The following FAM185A variants were observed in gnomAD, a reference collection of about 807,000 sequenced individuals.
The protein encoded by FAM185A is family with sequence similarity 185 member A, also known as protein FAM185A.
A neutral mutation model predicts 45.7 loss-of-function variants in FAM185A; 21 were observed. That is an observed-to-expected ratio of 0.46 (90% CI 0.33 to 0.66). The LOEUF (loss-of-function observed/expected upper bound fraction) is 0.66, where lower values mean the gene tolerates loss of function less well. Ranked by LOEUF, FAM185A falls within the 30% of genes least tolerant of loss-of-function variation. FAM185A has a pLI of 0.03. For missense variants in FAM185A, 305 were observed against 485.4 expected (o/e 0.63, Z 3.49); for synonymous variants, 117 against 194.0 (o/e 0.60, Z 3.30).
At chr7:102,826,947 G>T in the FAM185A span, 1 of 288,496 alleles carries the variant, frequency 3.5e-6, no homozygotes, top group Non-Finnish European at 7.7e-6. Context: ...GAGCTCTATC[G>T]TATTATTTTC....
chr7:102,780,943 A>C (rs922208312), intron 6 of FAM185A, among the ~76,000 whole-genome samples: 3 of 152,160 alleles, frequency 2.0e-5, no homozygotes, highest in Admixed American at 6.5e-5. Flanking sequence ...AGCACCTGGA[A>C]AATCGGGTCA....
At chr7:102,786,202 G>A (rs189563451) in intron 6 of FAM185A, among the ~76,000 whole-genome samples, 1 of 152,326 alleles carries the variant, frequency 6.6e-6, no homozygotes, top group African/African-American at 2.4e-5. Flanking sequence ...AGAGGATGTG[G>A]AGAAATAGGA....
chr7:102,849,327 T>A, the FAM185A span, among the ~76,000 whole-genome samples: 1 of 152,190 alleles, frequency 6.6e-6, no homozygotes, highest in African/African-American at 2.4e-5. Flanking sequence ...AGCCAGATCC[T>A]AAAAGTCAAT....
chr7:102,809,407 A>T (rs1017380516), downstream of FAM185A, among the ~76,000 whole-genome samples: 2 of 152,182 alleles, frequency 1.3e-5, no homozygotes, highest in African/African-American at 2.4e-5. Context: ...TAAATTATAT[A>T]ATACTGGCCA....
At chr7:102,773,625 T>C (rs1421346296) in intron 5 of FAM185A, among the ~76,000 whole-genome samples, 18 of 152,146 alleles carry the variant, frequency 1.2e-4, no homozygotes, top group Admixed American at 1.1e-3. Context: ...AACTTTATGA[T>C]AAACTACCAG....
At chr7:102,832,858 G>A in the FAM185A span, 2 of 1,614,212 alleles carry the variant, frequency 1.2e-6, no homozygotes, top group Non-Finnish European at 1.7e-6. Context: ...AGCCAGCAAT[G>A]CTGAGAGATG....
chr7:102,799,795 T>G (rs1358939740), intron 7 of FAM185A, among the ~76,000 whole-genome samples: 2 of 152,140 alleles, frequency 1.3e-5, no homozygotes, highest in East Asian at 3.8e-4. Context: ...ACACTTGAAC[T>G]CTCAGATGGC....
the FAM185A span, among the ~76,000 whole-genome samples, chr7:102,826,769 A>ATATATATATATATATATATG: frequency 1.7e-4 from 17 of 100,742 alleles, no homozygotes; most frequent in Non-Finnish European, 2.2e-4. Context: ...ATATATATAT[A>ATATATATATATATATATATG]TATGTATATA....
At chr7:102,776,817 G>C (rs1392357109) in intron 5 of FAM185A, among the ~76,000 whole-genome samples, 1 of 151,136 alleles carries the variant, frequency 6.6e-6, no homozygotes, top group African/African-American at 2.4e-5. Context: ...AATTATGAGA[G>C]GTTTTGATTT....
the FAM185A span, among the ~76,000 whole-genome samples, chr7:102,845,446 A>G: frequency 2.0e-5 from 3 of 152,228 alleles, no homozygotes; most frequent in Admixed American, 1.3e-4. Context: ...TATAAATCAC[A>G]TACTCACAAG....
intron 7 of FAM185A, among the ~76,000 whole-genome samples, chr7:102,793,368 T>C (rs1168954165): frequency 1.3e-5 from 2 of 152,080 alleles, no homozygotes; most frequent in Non-Finnish European, 2.9e-5. Flanking sequence ...CCCGCCACCA[T>C]GCCCGGCTAA....
At chr7:102,756,358 T>TA (rs530624100) in intron 2 of FAM185A, among the ~76,000 whole-genome samples, 26 of 151,550 alleles carry the variant, frequency 1.7e-4, no homozygotes, top group Non-Finnish European at 2.8e-4. Flanking sequence ...TAAACTACTC[T>TA]AAAAAAAAAT....
intron 7 of FAM185A, among the ~76,000 whole-genome samples, chr7:102,794,035 C>CAA (rs765672577): frequency 0.01 from 624 of 60,064 alleles, 12 homozygotes; most frequent in African/African-American, 0.028. Context: ...GACTCTGTCT[C>CAA]AAAAAAAAAA....
intron 4 of FAM185A, among the ~76,000 whole-genome samples, chr7:102,771,182 G>GTTAC (rs1351727976): frequency 6.6e-6 from 1 of 151,946 alleles, no homozygotes; most frequent in African/African-American, 2.4e-5. Flanking sequence ...CATAAAGATG[G>GTTAC]CAACAGTAGA....
intron 2 of FAM185A, chr7:102,755,707 T>C (rs1034771496): frequency 7.0e-5 from 40 of 568,352 alleles, no homozygotes; most frequent in Admixed American, 1.8e-4. Flanking sequence ...AAGGCAAGAC[T>C]GGGATGTCTA....
At chr7:102,848,905 C>T in the FAM185A span, among the ~76,000 whole-genome samples, 1 of 152,076 alleles carries the variant, frequency 6.6e-6, no homozygotes, top group African/African-American at 2.4e-5. Flanking sequence ...GAGGCTGAGG[C>T]AGGGGAATCA....
chr7:102,812,994 C>T (rs555014194), downstream of FAM185A, among the ~76,000 whole-genome samples: 2 of 152,006 alleles, frequency 1.3e-5, no homozygotes, highest in Non-Finnish European at 2.9e-5. Flanking sequence ...AGGCGCCCAC[C>T]ACCACACCCG....
At chr7:102,762,864 T>C (rs1280859108) in intron 4 of FAM185A, among the ~76,000 whole-genome samples, 1 of 142,396 alleles carries the variant, frequency 7.0e-6, no homozygotes, top group African/African-American at 2.6e-5. Flanking sequence ...TTTTATTCAG[T>C]TGTACCTTAA....
intron 2 of FAM185A, among the ~76,000 whole-genome samples, chr7:102,753,660 T>G (rs1042077922): frequency 1.6e-4 from 25 of 151,968 alleles, no homozygotes; most frequent in Non-Finnish European, 3.4e-4. Flanking sequence ...TTCTTCTGTT[T>G]TCTTATTTAG....
Sources: gnomAD v4.1 joint callset for allele counts (sites outside exome capture counted in the v4.1 genomes callset) on GRCh38, gnomAD v4.1.1 for gene constraint, MANE v1.5 for transcripts, NCBI Gene and HGNC (gene_info 2026-07-23, HGNC 2026-07-21) for gene names.